PACRG: variants seen among roughly 807,000 people sequenced by gnomAD.
The protein encoded by PACRG is parkin coregulated.
Under a neutral mutation model 29.7 loss-of-function variants are expected in PACRG, and 29 were observed. The observed-to-expected ratio is 0.98, with a 90% confidence interval of 0.73 to 1.33. PACRG has a LOEUF of 1.33. Ranked by LOEUF, PACRG falls within the 40% of genes most tolerant of loss-of-function variation. The pLI, the probability that PACRG is intolerant of heterozygous loss-of-function variation, is 0.00. For missense variants in PACRG, 279 were observed against 316.2 expected (o/e 0.88, Z 0.89); for synonymous variants, 116 against 118.7 (o/e 0.98, Z 0.15).
intron 2 of PACRG, among the ~76,000 whole-genome samples, chr6:163,048,129 T>G (rs539739074): frequency 7.2e-5 from 11 of 152,316 alleles, no homozygotes; most frequent in African/African-American, 2.4e-4. Flanking sequence ...CATATCATCC[T>G]CAAATATAAA....
intron 2 of PACRG, among the ~76,000 whole-genome samples, chr6:162,970,886 G>A (rs563631988): frequency 5.3e-5 from 8 of 152,274 alleles, no homozygotes; most frequent in Non-Finnish European, 1.5e-5. Flanking sequence ...AATCAGCAAG[G>A]GGCAGGCTTG....
intron 2 of PACRG, among the ~76,000 whole-genome samples, chr6:162,860,764 T>C (rs968941485): frequency 3.3e-5 from 5 of 152,206 alleles, no homozygotes; most frequent in Non-Finnish European, 5.9e-5. Flanking sequence ...GAAGCCATGA[T>C]TATGTTCCCT....
chr6:163,221,025 G>A (rs1781565240), intron 4 of PACRG, among the ~76,000 whole-genome samples: 1 of 152,172 alleles, frequency 6.6e-6, no homozygotes, highest in African/African-American at 2.4e-5. Flanking sequence ...TATAGTTCAG[G>A]AGTAAAACAA....
intron 3 of PACRG, among the ~76,000 whole-genome samples, chr6:163,076,895 C>G (rs547823381): frequency 1.3e-5 from 2 of 152,316 alleles, no homozygotes; most frequent in East Asian, 3.9e-4. Context: ...TAGCTCCTCT[C>G]TCATGTCACT....
At chr6:162,881,345 G>A (rs2128014902) in intron 2 of PACRG, among the ~76,000 whole-genome samples, 1 of 151,962 alleles carries the variant, frequency 6.6e-6, no homozygotes. Flanking sequence ...AGTCCTACAT[G>A]CACCCACGCA....
intron 2 of PACRG, among the ~76,000 whole-genome samples, chr6:162,860,201 C>T (rs995314248): frequency 4.6e-5 from 7 of 152,062 alleles, no homozygotes; most frequent in Non-Finnish European, 7.4e-5. Flanking sequence ...AAGAGGATAA[C>T]TAAAGAAAAC....
At chr6:163,246,493 A>G (rs915530116) in intron 4 of PACRG, among the ~76,000 whole-genome samples, 1 of 152,164 alleles carries the variant, frequency 6.6e-6, no homozygotes, top group Non-Finnish European at 1.5e-5. Context: ...TTTCTTCTTC[A>G]TAATATTTAC....
At chr6:162,885,259 T>G (rs1794233715) in intron 2 of PACRG, among the ~76,000 whole-genome samples, 1 of 151,368 alleles carries the variant, frequency 6.6e-6, no homozygotes, top group Non-Finnish European at 1.5e-5. Context: ...CTGGGAGCTT[T>G]CTTTCTCTTT....
At chr6:163,084,080 G>A (rs945170500) in intron 3 of PACRG, among the ~76,000 whole-genome samples, 1 of 152,104 alleles carries the variant, frequency 6.6e-6, no homozygotes, top group Non-Finnish European at 1.5e-5. Flanking sequence ...CCTAAAGCCA[G>A]TAAGCAGTAC....
At chr6:163,310,932 A>G (rs1785388977) in intron 4 of PACRG, 1 of 152,212 alleles carries the variant, frequency 6.6e-6, no homozygotes, top group Non-Finnish European at 1.5e-5. Context: ...ATCGCTGGAC[A>G]AGAGACCAGA....
intron 1 of PACRG, among the ~76,000 whole-genome samples, chr6:162,774,257 T>C (rs1783469301): frequency 1.3e-5 from 2 of 152,232 alleles, no homozygotes; most frequent in South Asian, 4.1e-4. Context: ...TGTACAGCTT[T>C]GCCAATTAAT....
rs774730437 is a variant in PACRG at position 163,055,236 on chromosome 6, A to G, written c.292-6914A>G. Among the ~76,000 whole-genome samples the G allele has an allele frequency of 1.3e-5, 2 of 152,172 alleles. No homozygotes were observed. The highest frequency in any genetic ancestry group is 2.9e-5 in the Non-Finnish European group (2 of 68,032). ...TGGAAATGGAGCCGTGACTGGGGAT[A>G]GTGTGGAAATGGAGCAGTGGCTTTT... is the stretch of plus-strand genomic sequence containing the variant. On this transcript the variant is annotated intron_variant, in intron 2 of 4. Coordinates refer to ENST00000366888, the MANE Select transcript of PACRG (RefSeq NM_001080379.2). This position sits in a 1 kb window ranked among gnomAD's most constrained non-coding sequence, Gnocchi z 4.0.
chr6:163,153,185 T>C (rs1433737187), intron 4 of PACRG, among the ~76,000 whole-genome samples: 2 of 152,228 alleles, frequency 1.3e-5, no homozygotes, highest in African/African-American at 2.4e-5. Context: ...AACTTATCCT[T>C]TAAGCATAAA....
At chr6:162,959,238 G>A (rs941591456) in intron 2 of PACRG, among the ~76,000 whole-genome samples, 3 of 151,950 alleles carry the variant, frequency 2.0e-5, no homozygotes, top group South Asian at 2.1e-4. Context: ...ATATTATAGC[G>A]GGTGTATTGG....
At chr6:162,737,936 A>G (rs982078769) in intron 1 of PACRG, among the ~76,000 whole-genome samples, 3 of 152,098 alleles carry the variant, frequency 2.0e-5, no homozygotes, top group Non-Finnish European at 2.9e-5. Flanking sequence ...AATTGCATGT[A>G]TTTTATTTTA....
chr6:163,046,673 A>G (rs1809432103), intron 2 of PACRG: 1 of 152,138 alleles, frequency 6.6e-6, no homozygotes, highest in Admixed American at 6.5e-5. Flanking sequence ...TCTTTCGACA[A>G]GCTGATCATA....
In PACRG at chr6:162,904,281, C is replaced by T. The variant is rs1364953350; in HGVS notation, c.291+90000C>T. Reference sequence around the variant, plus strand: ...ATGACGCAACAGCTGGGCAACATGGCGCAGCCACAGCAACAAATAAAAGTA... The same window carrying T: ...ATGACGCAACAGCTGGGCAACATGGTGCAGCCACAGCAACAAATAAAAGTA... On this transcript the variant is annotated intron_variant, in intron 2 of 4. Coordinates refer to ENST00000366888, the MANE Select transcript of PACRG (RefSeq NM_001080379.2). 5.3e-5 allele frequency among the ~76,000 whole-genome samples: 8 copies of T among 152,338 alleles called. No individual in the cohort carries two copies. The Middle Eastern group carries it at 0.01, about 194-fold the overall frequency.
chr6:163,201,690 T>A (rs1780705999), intron 4 of PACRG, among the ~76,000 whole-genome samples: 1 of 152,248 alleles, frequency 6.6e-6, no homozygotes. Context: ...CGTAAGAACC[T>A]GCGCTTGGTC....
At chr6:163,218,322 A>G (rs906468746) in intron 4 of PACRG, among the ~76,000 whole-genome samples, 2 of 152,164 alleles carry the variant, frequency 1.3e-5, no homozygotes, top group Admixed American at 1.3e-4. Flanking sequence ...ATCCTCTGTT[A>G]TCTACCCAAG....
Sources: gnomAD v4.1 joint callset for allele counts (sites outside exome capture counted in the v4.1 genomes callset) on GRCh38, gnomAD v4.1.1 for gene constraint, Gnocchi (gnomAD v3.1) non-coding constraint, MANE v1.5 for transcripts, NCBI Gene and HGNC (gene_info 2026-07-23, HGNC 2026-07-21) for gene names.